Variants in BNIP3 observed in about 807,000 individuals in gnomAD.
BNIP3 encodes the protein BCL2/adenovirus E1B 19 kDa protein-interacting protein 3.
BNIP3 carries 16 observed loss-of-function variants against 23.9 expected under a neutral mutation model. The observed-to-expected ratio is 0.67, with a 90% CI of 0.45 to 1.01. BNIP3 has a LOEUF of 1.01. BNIP3 is among the 50% of genes least tolerant of loss of function. The pLI is 0.00. For synonymous variants in BNIP3, 81 were observed against 89.3 expected (o/e 0.91, Z 0.53); for missense variants, 198 against 248.7 (o/e 0.80, Z 1.37).
intron 1 of BNIP3, among the ~76,000 whole-genome samples, chr10:131,977,263 CTG>C (rs1391560309): frequency 2.0e-5 from 3 of 152,022 alleles, no homozygotes; most frequent in African/African-American, 4.8e-5. Context: ...TAGCGAAACT[CTG>C]TGTCTCAAAC....
At chr10:131,973,365 C>G (rs1335541758) in intron 2 of BNIP3, 3 of 516,562 alleles carry the variant, frequency 5.8e-6, no homozygotes, top group Non-Finnish European at 1.1e-5. Context: ...AAGCAGCTGG[C>G]TTTGTCACCT....
Position 131,970,486 on chromosome 10 carries a change from G to T in BNIP3, c.539+152C>A. The T allele has an allele frequency of 8.5e-7, 1 of 1,169,730 alleles. No individual in the cohort carries two copies. The highest frequency in any genetic ancestry group is 1.2e-6 in the Non-Finnish European group (1 of 851,856). 72.5% of individuals were successfully genotyped at this position (1,169,730 alleles called of 1,614,324 possible). A position where few individuals can be genotyped will look rare whatever the true frequency, so the allele number is the denominator to read the frequency against. ...GGGGGCTGCAGGCTGGTGGTTTCTG[G>T]ACCTGAACAGTGACTACGTGGGTGT... On this transcript the variant is annotated intron_variant, in intron 5 of 5. Coordinates refer to ENST00000368636, the MANE Select transcript of BNIP3 (RefSeq NM_004052.4). The surrounding 1 kb of genome is among the most constrained non-coding windows in gnomAD (Gnocchi z 4.1).
Position 131,970,804 on chromosome 10 carries a change from C to G in BNIP3, c.390-17G>C. On this transcript the variant is annotated splice_polypyrimidine_tract_variant and intron_variant, in intron 4 of 5. Coordinates refer to ENST00000368636, the MANE Select transcript of BNIP3 (RefSeq NM_004052.4). This position sits in a 1 kb window ranked among gnomAD's most constrained non-coding sequence, Gnocchi z 4.1. ...AGGAACTCCCTGAGGCGGGAAGAAA[C>G]GTGTCAGCTGATGTGTCCTCTGTCA... is the stretch of plus-strand genomic sequence containing the variant. 1 of 1,614,208 alleles carries G rather than the reference C, an allele frequency of 6.2e-7. No individual in the cohort carries two copies. Among genetic ancestry groups the G allele is most frequent in the South Asian group, 1.1e-5 (1 of 91,092 alleles).
intron 1 of BNIP3, among the ~76,000 whole-genome samples, chr10:131,975,618 G>A (rs903756475): frequency 6.6e-6 from 1 of 152,150 alleles, no homozygotes; most frequent in Non-Finnish European, 1.5e-5. Flanking sequence ...CCACACACAC[G>A]AGGCATCTCT....
chr10:131,971,938 C>T (rs1485520098), intron 3 of BNIP3, among the ~76,000 whole-genome samples: 2 of 152,240 alleles, frequency 1.3e-5, no homozygotes, highest in Non-Finnish European at 2.9e-5. Flanking sequence ...GGGTCAGCTA[C>T]TAACCCTGCC....
chr10:131,975,600 A>G (rs1387975284), intron 1 of BNIP3, among the ~76,000 whole-genome samples: 1 of 152,184 alleles, frequency 6.6e-6, no homozygotes, highest in South Asian at 2.1e-4. Flanking sequence ...AGGCAGGTGC[A>G]CAGCTTTCCA....
At chr10:131,981,733 G>T in intron 1 of BNIP3, 28 bp downstream of exon 1, 1 of 1,457,192 alleles carries the variant, frequency 6.9e-7, no homozygotes, top group Non-Finnish European at 9.0e-7. Context: ...GCGCCCCCTC[G>T]GCTCCCGCGC....
Position 131,981,729 on chromosome 10 carries a change from C to T in BNIP3, c.46+32G>A, listed in dbSNP as rs369796261. 1.0e-5 allele frequency: 15 copies of T among 1,464,586 alleles called. No individual in the cohort carries two copies. The East Asian group carries it at 1.5e-4, about 15-fold the overall frequency. 90.7% of individuals were successfully genotyped at this position (1,464,586 alleles called of 1,614,324 possible). A position where few individuals can be genotyped will look rare whatever the true frequency, so the allele number is the denominator to read the frequency against. Reference sequence around the variant, plus strand: ...TTCCCCAGGCTTCCCCCCCGCGCCCCCTCGGCTCCCGCGCCGCCTCCTCCG... The same window carrying T: ...TTCCCCAGGCTTCCCCCCCGCGCCCTCTCGGCTCCCGCGCCGCCTCCTCCG... On this transcript the variant is annotated intron_variant, in intron 1 of 5. Transcript: ENST00000368636.
At chr10:131,975,852 A>ACATCC (rs2037074941) in intron 1 of BNIP3, among the ~76,000 whole-genome samples, 1 of 152,242 alleles carries the variant, frequency 6.6e-6, no homozygotes, top group Non-Finnish European at 1.5e-5. Flanking sequence ...CCTGGCCTAC[A>ACATCC]CGAAGCACAT....
At chr10:131,975,526 A>G (rs1246324460) in intron 1 of BNIP3, among the ~76,000 whole-genome samples, 1 of 152,050 alleles carries the variant, frequency 6.6e-6, no homozygotes, top group Non-Finnish European at 1.5e-5. Flanking sequence ...ACACAGCACT[A>G]ATAACACCAT....
intron 1 of BNIP3, among the ~76,000 whole-genome samples, chr10:131,977,426 G>A (rs537966508): frequency 6.6e-6 from 1 of 152,128 alleles, no homozygotes; most frequent in African/African-American, 2.4e-5. Flanking sequence ...AGAGACAAGT[G>A]TATCTCTGTC....
intron 1 of BNIP3, among the ~76,000 whole-genome samples, chr10:131,974,553 A>AT (rs892544083): frequency 7.2e-5 from 11 of 151,756 alleles, no homozygotes; most frequent in Non-Finnish European, 1.6e-4. Flanking sequence ...ACTCCTGGCT[A>AT]TTTTTTTTAG....
chr10:131,971,334 G>A (rs887613631), intron 3 of BNIP3: 6 of 258,924 alleles, frequency 2.3e-5, no homozygotes, highest in Middle Eastern at 1.4e-3. Context: ...CTGGTTATAA[G>A]AAAAGAAAAT....
At position 131,977,368 on chromosome 10, in the gene BNIP3, T is replaced by A. The variant is rs9419390; in HGVS notation, c.47-3425A>T. Among the ~76,000 whole-genome samples, 748 of 152,246 alleles carry A rather than the reference T, an allele frequency of 4.9e-3. 6 individuals are homozygous for A. The highest frequency in any genetic ancestry group is 0.017 in the African/African-American group (710 of 41,524). On this transcript the variant is annotated intron_variant, in intron 1 of 5. Transcript: ENST00000368636. ...TCAAGACCAAACACATACTGTAATC[T>A]ATCACACAAGGGGCAGGCTGAAGAC... is the stretch of plus-strand genomic sequence containing the variant.
chr10:131,979,319 T>A (rs183461178), intron 1 of BNIP3, among the ~76,000 whole-genome samples: 1 of 152,304 alleles, frequency 6.6e-6, no homozygotes, highest in East Asian at 1.9e-4. Flanking sequence ...GTAGAAAACA[T>A]CTTTTCCCCT....
intron 2 of BNIP3, 177 bp from the exon 3 acceptor site, chr10:131,973,295 G>C (rs983253387): frequency 4.9e-6 from 3 of 612,296 alleles, no homozygotes; most frequent in Non-Finnish European, 8.6e-6. Flanking sequence ...CAGCCCTTTT[G>C]GCTGAGCACG....
intron 2 of BNIP3, 145 bp downstream of exon 2, chr10:131,973,648 G>A (rs1433996578): frequency 3.8e-5 from 42 of 1,107,092 alleles, no homozygotes; most frequent in Non-Finnish European, 5.4e-5. Context: ...TATAAGGACG[G>A]ACTGCAGCAG....
chr10:131,977,309 G>T (rs894762359), intron 1 of BNIP3, among the ~76,000 whole-genome samples: 1 of 152,118 alleles, frequency 6.6e-6, no homozygotes, highest in African/African-American at 2.4e-5. Flanking sequence ...AAGCCCCAGG[G>T]GTTTAGGTGC....
intron 1 of BNIP3, among the ~76,000 whole-genome samples, chr10:131,975,579 GC>G (rs1174354680): frequency 2.0e-5 from 3 of 152,132 alleles, no homozygotes; most frequent in African/African-American, 7.2e-5. Context: ...CGTCATGTTC[GC>G]TGGAAGCAAA....
Sources: gnomAD v4.1 joint callset for allele counts (sites outside exome capture counted in the v4.1 genomes callset) on GRCh38, gnomAD v4.1.1 for gene constraint, Gnocchi (gnomAD v3.1) non-coding constraint, MANE v1.5 for transcripts, NCBI Gene and HGNC (gene_info 2026-07-23, HGNC 2026-07-21) for gene names.